Variants in TFDP2 observed in about 807,000 individuals in gnomAD.
The protein encoded by TFDP2 is transcription factor Dp-2.
Under a neutral mutation model 59.3 loss-of-function variants are expected in TFDP2, and 17 were observed. That is an observed-to-expected ratio of 0.29 (90% CI 0.20 to 0.43). The LOEUF is 0.43. TFDP2 is among the 20% of genes least tolerant of loss of function. The pLI is 1.00. For synonymous variants in TFDP2, 180 were observed against 194.7 expected, an observed-to-expected ratio of 0.92 and a Z score of 0.63; for missense variants, 391 against 528.8, an observed-to-expected ratio of 0.74 and a Z score of 2.56.
chr3:142,117,053 C>G (rs566088635), intron 1 of TFDP2, among the ~76,000 whole-genome samples: 2 of 152,222 alleles, frequency 1.3e-5, no homozygotes, highest in South Asian at 4.2e-4. Context: ...TCCCAAGTAG[C>G]TGGGATTACA....
intron 4 of TFDP2, among the ~76,000 whole-genome samples, chr3:142,000,762 C>T (rs987096531): frequency 6.6e-6 from 1 of 152,098 alleles, no homozygotes; most frequent in African/African-American, 2.4e-5. Context: ...ATTCCCATTC[C>T]AAAAGGGAGA....
At position 142,123,967 on chromosome 3, in the gene TFDP2, C is replaced by T. The variant is rs748935729; in HGVS notation, c.-92-22126G>A. Among the ~76,000 whole-genome samples, 99 of 152,136 alleles carry T rather than the reference C, an allele frequency of 6.5e-4. 3 individuals are homozygous for T. Among genetic ancestry groups the T allele is most frequent in the Middle Eastern group, 6.8e-3 (2 of 294 alleles). On this transcript the variant is annotated intron_variant, in intron 1 of 12. Coordinates refer to ENST00000489671, the MANE Select transcript of TFDP2 (RefSeq NM_001178139.2). ...TTAATCCCCCCAAATTAGCAGCTTA[C>T]TTATACACAAGAACCATGTCTTCTA...
chr3:142,041,174 G>A (rs765758920), intron 3 of TFDP2, among the ~76,000 whole-genome samples: 2 of 152,172 alleles, frequency 1.3e-5, no homozygotes, highest in Non-Finnish European at 2.9e-5. Context: ...ACTTGTGCAT[G>A]GCTTCAAAAC....
intron 10 of TFDP2, among the ~76,000 whole-genome samples, chr3:141,961,753 G>A (rs1015851293): frequency 6.6e-6 from 1 of 152,090 alleles, no homozygotes; most frequent in Non-Finnish European, 1.5e-5. Context: ...TCTCAGAGAG[G>A]TTAAGAAACT....
At chr3:142,043,101 C>G (rs945035693) in intron 3 of TFDP2, among the ~76,000 whole-genome samples, 2 of 151,078 alleles carry the variant, frequency 1.3e-5, no homozygotes, top group Admixed American at 6.6e-5. Flanking sequence ...GGCTGGAGTG[C>G]AGTGGCACGA....
chr3:142,018,800 A>T (rs1945343621), intron 3 of TFDP2, among the ~76,000 whole-genome samples: 1 of 152,166 alleles, frequency 6.6e-6, no homozygotes, highest in South Asian at 2.1e-4. Context: ...TAAGTATAGT[A>T]ACTCATTTTG....
intron 3 of TFDP2, among the ~76,000 whole-genome samples, chr3:142,087,597 C>A (rs968299336): frequency 6.6e-6 from 1 of 151,616 alleles, no homozygotes; most frequent in Non-Finnish European, 1.5e-5. Flanking sequence ...ACCTTCCAGG[C>A]TCAAGTGATC....
intron 1 of TFDP2, among the ~76,000 whole-genome samples, chr3:142,132,859 T>C (rs1157683181): frequency 2.1e-5 from 3 of 142,306 alleles, no homozygotes; most frequent in East Asian, 2.0e-4. Context: ...TAAAAGAAGA[T>C]GAACAATAGA....
intron 1 of TFDP2, among the ~76,000 whole-genome samples, chr3:142,148,574 G>A (rs2063259799): frequency 6.6e-6 from 1 of 152,168 alleles, no homozygotes; most frequent in Non-Finnish European, 1.5e-5. Flanking sequence ...GATAGCACAG[G>A]CTGGTAAGAG....
intron 11 of TFDP2, among the ~76,000 whole-genome samples, chr3:141,959,034 C>T (rs1015663748): frequency 1.1e-4 from 16 of 147,154 alleles, no homozygotes; most frequent in African/African-American, 4.1e-4. Flanking sequence ...CTCATTGCAA[C>T]CTCCACCTCC....
chr3:142,142,978 GT>G (rs746465717), intron 1 of TFDP2, among the ~76,000 whole-genome samples: 1 of 152,258 alleles, frequency 6.6e-6, no homozygotes, highest in Non-Finnish European at 1.5e-5. Context: ...GCTCACGCCT[GT>G]AATCCCAGCA....
intron 3 of TFDP2, among the ~76,000 whole-genome samples, chr3:142,018,720 G>T (rs1195000309): frequency 1.3e-5 from 2 of 152,080 alleles, no homozygotes; most frequent in Non-Finnish European, 2.9e-5. Context: ...GGGACTATAG[G>T]TGTGAGCCAC....
chr3:141,965,662 A>G (rs547311354), intron 9 of TFDP2, among the ~76,000 whole-genome samples: 3 of 151,880 alleles, frequency 2.0e-5, no homozygotes, highest in African/African-American at 7.3e-5. Context: ...TTATCTTAAA[A>G]TGGCTGAGTG....
chr3:142,028,792 G>C, intron 3 of TFDP2: 1 of 890,284 alleles, frequency 1.1e-6, no homozygotes, highest in Non-Finnish European at 1.3e-6. Context: ...TTACAACAAA[G>C]ACATCTCAAA....
rs1319844230 is a variant in TFDP2, at chr3:141,948,616, G to C, written c.*3897C>G. The stretch of plus-strand genomic sequence containing the variant: ...GTGTGGTTATGGCAGGAATAGCTGA[G>C]GTAGTTCTCATTCTCTGCTAATCCA... On this transcript the variant is annotated 3_prime_UTR_variant, in exon 13 of 13. Coordinates refer to ENST00000489671, the MANE Select transcript of TFDP2 (RefSeq NM_001178139.2). 6 of 151,640 alleles carry C rather than the reference G, an allele frequency of 4.0e-5. No homozygotes were observed. Among genetic ancestry groups the C allele is most frequent in the African/African-American group, 9.7e-5 (4 of 41,278 alleles). The allele number at this position is 151,640 out of a possible 1,614,324, so 9.4% of individuals were successfully genotyped here. A position where few individuals can be genotyped will look rare whatever the true frequency, so the allele number is the denominator to read the frequency against.
At chr3:142,052,094 C>A (rs979111956) in intron 3 of TFDP2, among the ~76,000 whole-genome samples, 8 of 152,032 alleles carry the variant, frequency 5.3e-5, no homozygotes, top group African/African-American at 1.9e-4. Flanking sequence ...CTACTGCACT[C>A]CGGCCAAGCA....
At chr3:142,067,331 CAATT>C (rs779641910) in intron 3 of TFDP2, among the ~76,000 whole-genome samples, 2 of 151,790 alleles carry the variant, frequency 1.3e-5, no homozygotes, top group African/African-American at 2.4e-5. Context: ...CAGCAATAAA[CAATT>C]AATATTTGAA....
intron 1 of TFDP2, among the ~76,000 whole-genome samples, chr3:142,108,272 T>C (rs1247184009): frequency 3.3e-5 from 5 of 151,882 alleles, no homozygotes; most frequent in Non-Finnish European, 7.4e-5. Flanking sequence ...TGCAGTGGCG[T>C]GATCTTGGCT....
chr3:141,976,541 A>G (rs2862121), intron 7 of TFDP2, among the ~76,000 whole-genome samples: 6,816 of 152,328 alleles, frequency 0.045, 212 homozygotes, highest in South Asian at 0.07. Context: ...GAAGATCACA[A>G]GGCAGGGAGA....
Sources: allele counts gnomAD v4.1 joint callset (sites outside exome capture counted in the v4.1 genomes callset), GRCh38; gene constraint gnomAD v4.1.1; transcripts MANE v1.5; gene names NCBI Gene and HGNC (gene_info 2026-07-23, HGNC 2026-07-21).